Variants in CCDC138 observed in about 807,000 individuals in gnomAD.
The protein encoded by CCDC138 is coiled-coil domain containing 138, also known as coiled-coil domain-containing protein 138.
CCDC138 carries 66 observed loss-of-function variants against 82.3 expected under a neutral mutation model. The ratio of observed to expected loss-of-function variants is 0.80; its 90% CI spans 0.66 to 0.98. The LOEUF (loss-of-function observed/expected upper bound fraction) is 0.98, where lower values mean the gene tolerates loss of function less well. Ranked by LOEUF, CCDC138 falls within the 50% of genes least tolerant of loss-of-function variation. The pLI is 0.00. For synonymous variants in CCDC138, 297 were observed against 265.4 expected (o/e 1.12, Z -1.16); for missense variants, 816 against 758.9 (o/e 1.08, Z -0.88).
chr2:108,878,779 GA>G (rs1242938272), downstream of CCDC138, among the ~76,000 whole-genome samples: 1 of 152,036 alleles, frequency 6.6e-6, no homozygotes, highest in African/African-American at 2.4e-5. Context: ...AGGTAGAGAT[GA>G]AAGAGGAGCT....
chr2:108,809,563 C>A (rs1296940524), intron 7 of CCDC138, among the ~76,000 whole-genome samples: 1 of 150,964 alleles, frequency 6.6e-6, no homozygotes, highest in African/African-American at 2.4e-5. Context: ...AAATTTATTC[C>A]CAGCTATTTT....
At chr2:108,814,898 A>C (rs2149891238) in intron 9 of CCDC138, among the ~76,000 whole-genome samples, 1 of 152,108 alleles carries the variant, frequency 6.6e-6, no homozygotes, top group South Asian at 2.1e-4. Context: ...TGCCTCCCAA[A>C]GTGCTGGGAT....
intron 13 of CCDC138, among the ~76,000 whole-genome samples, chr2:108,873,154 G>A (rs1013933620): frequency 2.6e-5 from 4 of 151,910 alleles, no homozygotes; most frequent in East Asian, 1.9e-4. Flanking sequence ...TTATTGTTAC[G>A]AACTTACTGA....
chr2:108,793,005 A>G (rs1470778908), intron 4 of CCDC138, among the ~76,000 whole-genome samples: 2 of 151,554 alleles, frequency 1.3e-5, no homozygotes, highest in East Asian at 1.9e-4. Context: ...CGGAGGTTGC[A>G]GTGAGCTGAG....
chr2:108,866,511 T>C (rs1385329365), intron 13 of CCDC138, among the ~76,000 whole-genome samples: 1 of 152,220 alleles, frequency 6.6e-6, no homozygotes, highest in Non-Finnish European at 1.5e-5. Context: ...GCATTTAGGA[T>C]ATTCCATGTA....
chr2:108,807,958 C>T (rs747483353), intron 7 of CCDC138, among the ~76,000 whole-genome samples: 1 of 152,182 alleles, frequency 6.6e-6, no homozygotes, highest in Non-Finnish European at 1.5e-5. Context: ...TCTCCACATT[C>T]CTTCCTTTCC....
chr2:108,844,909 A>G (rs997348488), intron 11 of CCDC138, among the ~76,000 whole-genome samples: 4 of 151,944 alleles, frequency 2.6e-5, no homozygotes, highest in Admixed American at 6.6e-5. Flanking sequence ...CACCAAGCCC[A>G]GTTAATTTTT....
intron 1 of CCDC138, among the ~76,000 whole-genome samples, chr2:108,881,827 C>T (rs1177494559): frequency 6.6e-6 from 1 of 152,082 alleles, no homozygotes; most frequent in Non-Finnish European, 1.5e-5. Context: ...TCTTGGCATC[C>T]TGAAACAATT....
chr2:108,790,169 ATG>A (rs1418161930), intron 3 of CCDC138, among the ~76,000 whole-genome samples: 1 of 152,196 alleles, frequency 6.6e-6, no homozygotes, highest in African/African-American at 2.4e-5. Context: ...TTACTATTTC[ATG>A]TTGCACTCAC....
chr2:108,852,746 A>G lies in CCDC138; in HGVS notation c.1517-4048A>G, dbSNP rs530198394. On this transcript the variant is annotated intron_variant, in intron 12 of 14. Coordinates refer to ENST00000295124, the MANE Select transcript of CCDC138 (RefSeq NM_144978.3). ...AGGGGAACAACACACACTGGGGCCT[A>G]TCAGAGGGTGGGAGGAGGGACAGGA... 3.5e-4 allele frequency among the ~76,000 whole-genome samples: 53 copies of G among 152,268 alleles called. No homozygotes were observed. The East Asian group carries it at 7.7e-3, about 22-fold the overall frequency.
At chr2:108,858,433 C>G (rs1692993266) in intron 13 of CCDC138, among the ~76,000 whole-genome samples, 1 of 152,120 alleles carries the variant, frequency 6.6e-6, no homozygotes, top group Admixed American at 6.6e-5. Flanking sequence ...GTGATCACTA[C>G]TAAAGCCGTA....
At chr2:108,792,147 T>C (rs1461502638) in intron 4 of CCDC138, among the ~76,000 whole-genome samples, 1 of 152,236 alleles carries the variant, frequency 6.6e-6, no homozygotes, top group African/African-American at 2.4e-5. Context: ...AGCAGTTTTC[T>C]GTGTATCTGG....
chr2:108,840,682 A>T (rs1236198639), intron 11 of CCDC138, among the ~76,000 whole-genome samples: 1 of 152,034 alleles, frequency 6.6e-6, no homozygotes, highest in East Asian at 1.9e-4. Flanking sequence ...TTCCTTCTTG[A>T]TATGGATAAT....
intron 7 of CCDC138, among the ~76,000 whole-genome samples, chr2:108,806,125 T>A: frequency 6.6e-6 from 1 of 152,226 alleles, no homozygotes; most frequent in East Asian, 1.9e-4. Context: ...TTTTCTCACC[T>A]GATCTAATTC....
chr2:108,878,923 C>CTTT (rs1293016711), downstream of CCDC138, among the ~76,000 whole-genome samples: 1 of 151,812 alleles, frequency 6.6e-6, no homozygotes, highest in Admixed American at 6.6e-5. Context: ...TCTCAAAACA[C>CTTT]TGAAAAAGAA....
At chr2:108,819,062 G>A (rs925904675) in intron 10 of CCDC138, among the ~76,000 whole-genome samples, 1 of 152,166 alleles carries the variant, frequency 6.6e-6, no homozygotes, top group Non-Finnish European at 1.5e-5. Context: ...GTAAAATTTG[G>A]CTATAAGACT....
intron 9 of CCDC138, among the ~76,000 whole-genome samples, chr2:108,813,148 C>T (rs971302522): frequency 2.8e-5 from 4 of 142,302 alleles, no homozygotes; most frequent in African/African-American, 1.0e-4. Context: ...ACTCGAGAGG[C>T]TGAGGCAGGA....
chr2:108,818,427 A>G (rs1233400574), intron 10 of CCDC138, among the ~76,000 whole-genome samples: 1 of 152,210 alleles, frequency 6.6e-6, no homozygotes, highest in Non-Finnish European at 1.5e-5. Context: ...GTAAATAAAA[A>G]GTTGTCTGTT....
intron 10 of CCDC138, among the ~76,000 whole-genome samples, chr2:108,817,281 A>G (rs1460069310): frequency 6.6e-6 from 1 of 151,626 alleles, no homozygotes; most frequent in Admixed American, 6.6e-5. Context: ...GAGACATGGA[A>G]TTCAGATAAT....
Sources: allele counts gnomAD v4.1 joint callset (sites outside exome capture counted in the v4.1 genomes callset), GRCh38; gene constraint gnomAD v4.1.1; transcripts MANE v1.5; gene names NCBI Gene and HGNC (gene_info 2026-07-23, HGNC 2026-07-21).